Variants in NTRK3 observed in about 807,000 individuals in gnomAD.
The protein encoded by NTRK3 is NT-3 growth factor receptor.
NTRK3 carries 24 observed loss-of-function variants against 91.7 expected under a neutral mutation model. That is an observed-to-expected ratio of 0.26 (90% CI 0.19 to 0.37). The LOEUF is 0.37. Among genes scored for constraint, NTRK3 ranks in the 10% least tolerant of loss-of-function variants. NTRK3 has a pLI of 1.00. For synonymous variants in NTRK3, 483 were observed against 404.0 expected, an observed-to-expected ratio of 1.20 and a Z score of -2.34; for missense variants, 880 against 1,068.9, an observed-to-expected ratio of 0.82 and a Z score of 2.46.
chr15:87,956,158 G>A (rs893915750), intron 14 of NTRK3, among the ~76,000 whole-genome samples: 4 of 152,178 alleles, frequency 2.6e-5, no homozygotes, highest in Non-Finnish European at 5.9e-5. Flanking sequence ...TGACTTGCAA[G>A]CAACAGTCAG....
chr15:88,133,216 G>A (rs2041542163), intron 10 of NTRK3, among the ~76,000 whole-genome samples: 1 of 152,190 alleles, frequency 6.6e-6, no homozygotes, highest in Non-Finnish European at 1.5e-5. Flanking sequence ...GGTATCCAGA[G>A]ACTAACAGAA....
At chr15:88,139,724 G>A (rs2042203119) in intron 6 of NTRK3, among the ~76,000 whole-genome samples, 1 of 152,148 alleles carries the variant, frequency 6.6e-6, no homozygotes, top group Non-Finnish European at 1.5e-5. Context: ...GAGGGGTTAA[G>A]TCACATGTGC....
intron 17 of NTRK3, among the ~76,000 whole-genome samples, chr15:87,898,837 A>AC (rs2066285144): frequency 4.6e-5 from 7 of 151,156 alleles, no homozygotes; most frequent in Non-Finnish European, 8.9e-5. Context: ...AAAAAAAAAA[A>AC]AAAAAAAATA....
At chr15:88,254,912 C>T (rs1237214286) in intron 3 of NTRK3, among the ~76,000 whole-genome samples, 17 of 152,126 alleles carry the variant, frequency 1.1e-4, no homozygotes, top group Non-Finnish European at 1.6e-4. Flanking sequence ...CCGAGGTCAA[C>T]GAAAGAAAAG....
chr15:87,911,893 C>T (rs2067107634), intron 17 of NTRK3, among the ~76,000 whole-genome samples: 1 of 152,182 alleles, frequency 6.6e-6, no homozygotes, highest in Non-Finnish European at 1.5e-5. Flanking sequence ...CCTTAAAGAA[C>T]TTCTAAGCTA....
chr15:88,033,295 A>G (rs1337854280), intron 13 of NTRK3, among the ~76,000 whole-genome samples: 2 of 137,062 alleles, frequency 1.5e-5, no homozygotes, highest in Non-Finnish European at 3.1e-5. Flanking sequence ...TTTTTTTTCC[A>G]TTCTATAGGT....
At chr15:88,030,191 G>T (rs1485873956) in intron 14 of NTRK3, among the ~76,000 whole-genome samples, 1 of 152,160 alleles carries the variant, frequency 6.6e-6, no homozygotes, top group African/African-American at 2.4e-5. Context: ...CAGTAAACCT[G>T]CTGCCTTCCC....
intron 3 of NTRK3, among the ~76,000 whole-genome samples, chr15:88,204,344 G>T (rs2048557330): frequency 6.6e-6 from 1 of 152,106 alleles, no homozygotes; most frequent in Non-Finnish European, 1.5e-5. Flanking sequence ...TTAAAAAAAA[G>T]TCTTGCCTAT....
At chr15:88,115,913 C>A (rs1442725894) in intron 13 of NTRK3, among the ~76,000 whole-genome samples, 5 of 152,086 alleles carry the variant, frequency 3.3e-5, no homozygotes, top group Admixed American at 2.0e-4. Context: ...CCAGCACAAG[C>A]TTTTCCGGTT....
At chr15:88,148,960 G>T (rs2043131789) in intron 5 of NTRK3, among the ~76,000 whole-genome samples, 1 of 152,182 alleles carries the variant, frequency 6.6e-6, no homozygotes, top group East Asian at 1.9e-4. Context: ...AGTAGAACGA[G>T]AAAGCCTGCC....
At chr15:87,901,652 G>A (rs1284764914) in intron 17 of NTRK3, among the ~76,000 whole-genome samples, 1 of 151,900 alleles carries the variant, frequency 6.6e-6, no homozygotes, top group African/African-American at 2.4e-5. Flanking sequence ...TATGCTAAAT[G>A]AATTAAAATG....
intron 3 of NTRK3, among the ~76,000 whole-genome samples, chr15:88,203,638 T>C (rs1196273006): frequency 6.6e-6 from 1 of 152,114 alleles, no homozygotes; most frequent in South Asian, 2.1e-4. Flanking sequence ...ATCAGTAGGG[T>C]GACTATAGTT....
intron 16 of NTRK3, among the ~76,000 whole-genome samples, chr15:87,931,508 T>C (rs2068796772): frequency 6.6e-6 from 1 of 152,194 alleles, no homozygotes. Context: ...AAGCAGTTAT[T>C]AATAGTCGTG....
chr15:88,150,842 AT>A (rs2043306955), intron 5 of NTRK3, among the ~76,000 whole-genome samples: 1 of 152,230 alleles, frequency 6.6e-6, no homozygotes, highest in Non-Finnish European at 1.5e-5. Context: ...CCTCACCGGC[AT>A]TGATAAATTC....
intron 13 of NTRK3, among the ~76,000 whole-genome samples, chr15:88,034,861 C>CA (rs1301023869): frequency 3.3e-5 from 5 of 152,072 alleles, no homozygotes; most frequent in Admixed American, 2.0e-4. Flanking sequence ...ACTTGCCTTG[C>CA]AAAAAAGAAG....
chr15:88,212,923 A>G (rs1322311565), intron 3 of NTRK3, among the ~76,000 whole-genome samples: 1 of 152,170 alleles, frequency 6.6e-6, no homozygotes, highest in Non-Finnish European at 1.5e-5. Context: ...TGAGTCAGAA[A>G]CAGCCCCAGG....
chr15:88,163,054 C>A, intron 5 of NTRK3, among the ~76,000 whole-genome samples: 1 of 152,168 alleles, frequency 6.6e-6, no homozygotes, highest in East Asian at 1.9e-4. Context: ...GGATGTCTCT[C>A]TCCCTACCTC....
intron 15 of NTRK3, among the ~76,000 whole-genome samples, chr15:87,938,016 C>G (rs927441332): frequency 3.3e-5 from 5 of 151,762 alleles, no homozygotes; most frequent in Admixed American, 3.3e-4. Flanking sequence ...CCCTCCTCTG[C>G]AAAGGAAGGG....
At chr15:87,889,377 C>T (rs1369239649) in intron 17 of NTRK3, among the ~76,000 whole-genome samples, 2 of 146,996 alleles carry the variant, frequency 1.4e-5, no homozygotes, top group African/African-American at 2.5e-5. Context: ...TAAAACCATG[C>T]TCGTTAGTTT....
Sources: gnomAD v4.1 joint callset for allele counts (sites outside exome capture counted in the v4.1 genomes callset) on GRCh38, gnomAD v4.1.1 for gene constraint, MANE v1.5 for transcripts, NCBI Gene and HGNC (gene_info 2026-07-23, HGNC 2026-07-21) for gene names.